NT5C3B: variants seen among roughly 807,000 people sequenced by gnomAD.
NT5C3B encodes the protein 5'-nucleotidase, cytosolic IIIB.
NT5C3B carries 28 observed loss-of-function variants against 32.5 expected under a neutral mutation model. The observed-to-expected ratio is 0.86, with a 90% CI of 0.64 to 1.18. NT5C3B has a LOEUF of 1.18. Among genes scored for constraint, NT5C3B ranks in the 50% most tolerant of loss-of-function variants. The probability of loss-of-function intolerance (pLI) is 0.00; values close to 1 mark genes in which losing one functional copy is unlikely to be tolerated. For missense variants in NT5C3B, 317 were observed against 322.0 expected (o/e 0.98, Z 0.12); for synonymous variants, 138 against 118.0 (o/e 1.17, Z -1.10).
At chr17:41,836,005 C>A in intron 1 of NT5C3B, 48 bp from the exon 2 acceptor site, 3 of 1,488,074 alleles carry the variant, frequency 2.0e-6, no homozygotes, top group Non-Finnish European at 2.7e-6. Flanking sequence ...CACGCTGGGC[C>A]CGAGGGGAGC....
intron 5 of NT5C3B, among the ~76,000 whole-genome samples, chr17:41,831,319 CAAAA>C (rs71155172): frequency 1.9e-4 from 21 of 110,104 alleles, no homozygotes; most frequent in African/African-American, 2.0e-4. Context: ...GACTCCATCT[CAAAA>C]AAAAAAAAAA....
chr17:41,833,073 T>C (rs1243115419), intron 4 of NT5C3B, among the ~76,000 whole-genome samples: 2 of 152,146 alleles, frequency 1.3e-5, no homozygotes, highest in African/African-American at 2.4e-5. Flanking sequence ...GTCATTCCTT[T>C]GTACTCACCC....
At chr17:41,835,788 G>A (rs2048141439) in intron 2 of NT5C3B, 71 bp downstream of exon 2, 1 of 1,403,116 alleles carries the variant, frequency 7.1e-7, no homozygotes, top group Non-Finnish European at 9.9e-7. Flanking sequence ...AGCAAAGCGG[G>A]AAGGCCCAAT....
chr17:41,826,143 G>A (rs1481461715), intron 8 of NT5C3B, among the ~76,000 whole-genome samples: 1 of 150,296 alleles, frequency 6.7e-6, no homozygotes, highest in Non-Finnish European at 1.5e-5. Context: ...GTGACAGAGT[G>A]AGGCCCTGTC....
intron 3 of NT5C3B, 21 bp from the exon 4 acceptor site, chr17:41,835,137 T>G (rs2048124073): frequency 6.2e-7 from 1 of 1,613,948 alleles, no homozygotes; most frequent in African/African-American, 1.3e-5. Context: ...AGAAAACTCC[T>G]TTTACTTGTC....
rs1304104713 is a variant in NT5C3B at position 41,835,842 on chromosome 17, G to A, written c.111+17C>T. 1.9e-6 allele frequency: 3 copies of A among 1,596,724 alleles called. No homozygotes were observed. Among genetic ancestry groups the A allele is most frequent in the Admixed American group, 3.4e-5 (2 of 58,226 alleles). On this transcript the variant is annotated intron_variant, in intron 2 of 8. Transcript: ENST00000435506. ...GCCGCCCCCAGCCCGGCCGGCCCCC[G>A]CACGCCCCAGAGGTACCTGTAACCG...
chr17:41,832,404 T>C lies in NT5C3B; in HGVS notation c.302A>G (p.His101Arg). The change falls in exon 5 of 9, where the codon CAT becomes CGT. Residue 101 changes from histidine (H) to arginine (R), a missense_variant. His to Arg is a conservative substitution (Grantham distance 29, BLOSUM62 0). Transcript: ENST00000435506. ...CACCATCACTCACCATTCCACCATA[T>C]GAGGTAGCTTCTCCTTGACGGTCCG... ...PHRTVKEKLP[H>R]MVEWWTKAHN... 6.2e-7 allele frequency: 1 copy of C among 1,611,940 alleles called. No individual in the cohort carries two copies. Among genetic ancestry groups the C allele is most frequent in the Non-Finnish European group, 8.5e-7 (1 of 1,178,172 alleles).
intron 8 of NT5C3B, among the ~76,000 whole-genome samples, chr17:41,826,190 C>T (rs2047959246): frequency 6.8e-6 from 1 of 146,320 alleles, no homozygotes; most frequent in Admixed American, 7.1e-5. Flanking sequence ...ACAGATGTTG[C>T]CTCTAATCCA....
At chr17:41,825,687 G>T (rs1555618053) in intron 8 of NT5C3B, 30 bp from the exon 9 acceptor site, 4 of 872,004 alleles carry the variant, frequency 4.6e-6, no homozygotes, top group Non-Finnish European at 6.0e-6. Flanking sequence ...GAAGCCAGAG[G>T]GTCCCCAAAT....
At position 41,828,925 on chromosome 17, in the gene NT5C3B, T is replaced by A. The variant is rs2048007913; in HGVS notation, c.432A>T (p.Thr144=). ...AAAGGGGAATGTTGTTATGGTAGAG[T>A]GTGTTGAAGAAGGTCTTATATCCCT... ...LREGYKTFFN[T]LYHNNIPLFI... Residue 144 remains threonine, a synonymous_variant, in exon 7 of 9, where the codon ACA becomes ACT. Transcript: ENST00000435506. 6.2e-7 allele frequency: 1 copy of A among 1,613,426 alleles called. No homozygotes were observed. The highest frequency in any genetic ancestry group is 1.7e-5 in the Admixed American group (1 of 59,962).
chr17:41,830,828 A>C lies in NT5C3B; in HGVS notation c.377T>G (p.Val126Gly). 1 of 1,611,708 alleles carries C rather than the reference A, an allele frequency of 6.2e-7. No homozygotes were observed. Among genetic ancestry groups the C allele is most frequent in the Non-Finnish European group, 8.5e-7 (1 of 1,178,256 alleles). The change falls in exon 6 of 9, where the codon GTG becomes GGG. Residue 126 changes from valine (V) to glycine (G), a missense_variant. By Grantham distance (109) the Val-to-Gly change is moderately radical. Transcript: ENST00000435506. ...GAGCATTGCATTGGACTCTCTAACC[A>C]CCTGGGCTATCTGAAACTTCTGAAT... is the stretch of plus-strand genomic sequence containing the variant. ...QKIQKFQIAQ[V>G]VRESNAMLRE...
intron 5 of NT5C3B, among the ~76,000 whole-genome samples, chr17:41,831,306 T>C (rs7207164): frequency 1 from 145,761 of 145,830 alleles, 72,846 homozygotes; most frequent in African/African-American, 1. Context: ...GGTGACAGAG[T>C]GAGACTCCAT....
At position 41,827,453 on chromosome 17, in the gene NT5C3B, A is replaced by G; in HGVS notation, c.741T>C (p.Ile247=). 3 of 872,906 alleles carry G rather than the reference A, an allele frequency of 3.4e-6. No individual in the cohort carries two copies. Among genetic ancestry groups the G allele is most frequent in the Non-Finnish European group, 6.0e-6 (3 of 501,680 alleles). 54.1% of individuals were successfully genotyped at this position (872,906 alleles called of 1,614,324 possible). A position where few individuals can be genotyped will look rare whatever the true frequency, so the allele number is the denominator to read the frequency against. ...MADGVPGVQN[I]LKIGFLNDKV... is the part of the protein sequence containing the mutation. ...TGTCATTCAGGAAGCCAATTTTGAG[A>G]ATGTTCTGCACACCAGGAACCCCAT... The change falls in exon 8 of 9, where the codon ATT becomes ATC. Residue 247 remains isoleucine (I), a synonymous_variant. Coordinates refer to ENST00000435506, the MANE Select transcript of NT5C3B (RefSeq NM_052935.5).
At chr17:41,832,515 T>C in intron 4 of NT5C3B, 38 bp from the exon 5 acceptor site, 2 of 1,575,078 alleles carry the variant, frequency 1.3e-6, no homozygotes, top group South Asian at 1.1e-5. Context: ...CATTAGTCCA[T>C]ATCAAGTTCT....
chr17:41,833,400 TCC>T, intron 4 of NT5C3B, among the ~76,000 whole-genome samples: 1 of 152,148 alleles, frequency 6.6e-6, no homozygotes, highest in South Asian at 2.1e-4. Flanking sequence ...CACTGCAACC[TCC>T]GCCTCCCGGG....
At position 41,835,861 on chromosome 17, in the gene NT5C3B, G is replaced by T. The variant is rs782522071; in HGVS notation, c.109C>A (p.Gln37Lys). The T allele has an allele frequency of 1.9e-6, 3 of 1,607,760 alleles. No homozygotes were observed. The East Asian group carries it at 6.7e-5, about 36-fold the overall frequency. Residue 37 changes from glutamine (Q) to lysine (K), a missense_variant and splice_region_variant, in exon 2 of 9, where the codon CAG becomes AAG. Transcript: ENST00000435506. ...ALRKGGGDRLQVISDFDMTLS... is the reference protein window; with the variant it reads ...ALRKGGGDRLKVISDFDMTLS... ...GCCCCCGCACGCCCCAGAGGTACCT[G>T]TAACCGGTCTCCGCCGCCCTTGCGG... is the stretch of plus-strand genomic sequence containing the variant.
intron 2 of NT5C3B, 49 bp from the exon 3 acceptor site, chr17:41,835,321 T>A (rs782378185): frequency 6.7e-7 from 1 of 1,502,146 alleles, no homozygotes; most frequent in East Asian, 2.3e-5. Context: ...AGAATTCTAG[T>A]GTGGCCCTGC....
intron 2 of NT5C3B, 192 bp downstream of exon 2, chr17:41,835,667 G>A: frequency 1.4e-6 from 1 of 714,350 alleles, no homozygotes; most frequent in Non-Finnish European, 2.5e-6. Context: ...GAAGCAGCAT[G>A]ACCATATTGA....
In NT5C3B at chr17:41,835,881, T is replaced by A. The variant is rs2048145333; in HGVS notation, c.89A>T (p.Lys30Met). ...TACCTGTAACCGGTCTCCGCCGCCCTTGCGGAGGGCGCCCACGATCTCCTG... is the reference window on the plus strand; with the variant it reads ...TACCTGTAACCGGTCTCCGCCGCCCATGCGGAGGGCGCCCACGATCTCCTG... ...RVQEIVGALR[K>M]GGGDRLQVIS... Residue 30 changes from lysine (K) to methionine (M), a missense_variant, in exon 2 of 9, where the codon AAG (lysine) becomes ATG (methionine). Lys to Met is a moderately conservative substitution (Grantham distance 95, BLOSUM62 -1). Coordinates refer to ENST00000435506, the MANE Select transcript of NT5C3B (RefSeq NM_052935.5). The A allele has an allele frequency of 2.5e-6, 4 of 1,609,066 alleles. No homozygotes were observed. The Admixed American group carries it at 5.0e-5, about 20-fold the overall frequency.
Sources: gnomAD v4.1 joint callset for allele counts (sites outside exome capture counted in the v4.1 genomes callset) on GRCh38, gnomAD v4.1.1 for gene constraint, MANE v1.5 for transcripts, NCBI Gene and HGNC (gene_info 2026-07-23, HGNC 2026-07-21) for gene names.